The following FBXO4 variants were observed in gnomAD, a reference collection of about 807,000 sequenced individuals.
FBXO4 encodes the protein F-box only protein 4.
FBXO4 carries 36 observed loss-of-function variants against 43.7 expected under a neutral mutation model. The observed-to-expected ratio is 0.82, with a 90% CI of 0.63 to 1.09. FBXO4 has a LOEUF of 1.09. Among genes scored for constraint, FBXO4 ranks in the 50% least tolerant of loss-of-function variants. FBXO4 has a pLI of 0.00. For missense variants in FBXO4, 435 were observed against 474.1 expected (o/e 0.92, Z 0.77); for synonymous variants, 180 against 165.6 (o/e 1.09, Z -0.67).
Position 41,927,003 on chromosome 5 carries a change from T to G in FBXO4, c.190-10T>G, listed in dbSNP as rs199945153. 1.3e-6 allele frequency: 2 copies of G among 1,535,378 alleles called. No individual in the cohort carries two copies. The highest frequency in any genetic ancestry group is 4.6e-5 in the East Asian group (2 of 43,700). ...TCCTTTTTCCTACCTGCTGCTTTCTTCTGTTTCAGATTGATGTACAGCTAT... is the reference window on the plus strand; with the variant it reads ...TCCTTTTTCCTACCTGCTGCTTTCTGCTGTTTCAGATTGATGTACAGCTAT... On this transcript the variant is annotated splice_polypyrimidine_tract_variant and intron_variant, in intron 1 of 6. Transcript: ENST00000281623.
chr5:42,031,977 C>G, the FBXO4 span, among the ~76,000 whole-genome samples: 1 of 151,950 alleles, frequency 6.6e-6, no homozygotes, highest in Non-Finnish European at 1.5e-5. Context: ...CTCTGGATTA[C>G]TAGGCAGAGA....
At chr5:41,984,497 G>C in the FBXO4 span, among the ~76,000 whole-genome samples, 1 of 152,134 alleles carries the variant, frequency 6.6e-6, no homozygotes, top group Non-Finnish European at 1.5e-5. Flanking sequence ...CTCACTCTCT[G>C]ACGTCTCACT....
the FBXO4 span, chr5:41,968,415 T>C: frequency 6.6e-6 from 1 of 152,652 alleles, no homozygotes; most frequent in Non-Finnish European, 1.5e-5. Context: ...AAATAAAGTT[T>C]TGTTGAAGGA....
the FBXO4 span, among the ~76,000 whole-genome samples, chr5:42,013,535 G>A: frequency 2.0e-5 from 3 of 152,096 alleles, no homozygotes; most frequent in African/African-American, 4.8e-5. Flanking sequence ...TGAATTCCAC[G>A]TTTAGTCAGT....
the FBXO4 span, among the ~76,000 whole-genome samples, chr5:42,028,627 C>T: frequency 0.016 from 2,426 of 151,398 alleles, 117 homozygotes; most frequent in East Asian, 0.1. Flanking sequence ...TCCTTTCTTC[C>T]TTTAGTGAGC....
the FBXO4 span, among the ~76,000 whole-genome samples, chr5:42,035,596 A>G: frequency 2.0e-5 from 3 of 152,074 alleles, no homozygotes; most frequent in African/African-American, 7.2e-5. Context: ...TGACAGGCTT[A>G]TTTCATTTTT....
At chr5:41,956,822 C>G in the FBXO4 span, among the ~76,000 whole-genome samples, 3 of 151,490 alleles carry the variant, frequency 2.0e-5, no homozygotes, top group Admixed American at 2.0e-4. Context: ...AAGTGATTCT[C>G]CTGCCTCAGC....
the FBXO4 span, among the ~76,000 whole-genome samples, chr5:41,951,085 A>G: frequency 6.6e-6 from 1 of 152,194 alleles, no homozygotes; most frequent in South Asian, 2.1e-4. Flanking sequence ...TAAGGGAGGG[A>G]TAGCATTAGG....
the FBXO4 span, among the ~76,000 whole-genome samples, chr5:42,005,213 T>C: frequency 6.6e-6 from 1 of 152,188 alleles, no homozygotes; most frequent in Non-Finnish European, 1.5e-5. Flanking sequence ...TGATGTAATA[T>C]AACAGTGAAG....
chr5:41,964,862 T>A, the FBXO4 span, among the ~76,000 whole-genome samples: 36 of 152,166 alleles, frequency 2.4e-4, no homozygotes, highest in Admixed American at 2.1e-3. Flanking sequence ...TAGTTTCTTT[T>A]GCTGTGCAGA....
At chr5:41,970,574 TA>T in the FBXO4 span, among the ~76,000 whole-genome samples, 864 of 144,414 alleles carry the variant, frequency 6.0e-3, 7 homozygotes, top group African/African-American at 0.019. Context: ...GGTTAATTGT[TA>T]AAAAAAAAAA....
At chr5:41,936,991 A>G (rs1751867551) in intron 5 of FBXO4, among the ~76,000 whole-genome samples, 2 of 152,238 alleles carry the variant, frequency 1.3e-5, no homozygotes, top group African/African-American at 4.8e-5. Flanking sequence ...CTGTTTTCCA[A>G]TAAAAATTTA....
intron 3 of FBXO4, among the ~76,000 whole-genome samples, chr5:41,931,755 G>A: frequency 6.6e-6 from 1 of 152,190 alleles, no homozygotes; most frequent in Admixed American, 6.5e-5. Context: ...AAGTTTTTGA[G>A]GATGGAGAGG....
intron 5 of FBXO4, among the ~76,000 whole-genome samples, chr5:41,938,516 A>G (rs9885033): frequency 0.08 from 12,150 of 152,276 alleles, 699 homozygotes; most frequent in African/African-American, 0.16. Context: ...TGATAAGTAC[A>G]TTAAATGTTT....
At chr5:41,999,557 A>G in the FBXO4 span, among the ~76,000 whole-genome samples, 20 of 136,322 alleles carry the variant, frequency 1.5e-4, no homozygotes, top group Admixed American at 1.2e-3. Flanking sequence ...ATATATATAT[A>G]TATATGTATA....
In FBXO4 at chr5:41,925,488, C is replaced by T; in HGVS notation, c.179C>T (p.Thr60Met). 7.6e-7 allele frequency: 1 copy of T among 1,308,364 alleles called. No individual in the cohort carries two copies. The highest frequency in any genetic ancestry group is 9.8e-7 in the Non-Finnish European group (1 of 1,020,418). The allele number at this position is 1,308,364 out of a possible 1,614,324, so 81.0% of individuals were successfully genotyped here. Residue 60 changes from threonine (T) to methionine (M), a missense_variant, in exon 1 of 7, where the codon ACG becomes ATG. Thr to Met is a moderately conservative substitution (Grantham distance 81, BLOSUM62 -1). Coordinates refer to ENST00000281623, the MANE Select transcript of FBXO4 (RefSeq NM_012176.3). Reference sequence around the variant, plus strand: ...GTGGATGAGGCGGCCAGCACCCTGACGCGGCTGCCGGTGAGCGTCGGCCGC... The same window carrying T: ...GTGGATGAGGCGGCCAGCACCCTGATGCGGCTGCCGGTGAGCGTCGGCCGC... ...EEVDEAASTL[T>M]RLPIDVQLYI...
chr5:41,977,185 C>A, the FBXO4 span, among the ~76,000 whole-genome samples: 1 of 152,166 alleles, frequency 6.6e-6, no homozygotes, highest in Non-Finnish European at 1.5e-5. Context: ...TTCTGCAATG[C>A]CTTTGAAGTC....
At chr5:41,981,876 T>G in the FBXO4 span, among the ~76,000 whole-genome samples, 1 of 151,530 alleles carries the variant, frequency 6.6e-6, no homozygotes, top group Non-Finnish European at 1.5e-5. Context: ...ATTAGGTATA[T>G]CTCCTAATGC....
At chr5:41,979,588 T>A in the FBXO4 span, among the ~76,000 whole-genome samples, 1 of 152,192 alleles carries the variant, frequency 6.6e-6, no homozygotes, top group African/African-American at 2.4e-5. Flanking sequence ...ACTACCAACA[T>A]GACATCACTC....
Sources: allele counts gnomAD v4.1 joint callset (sites outside exome capture counted in the v4.1 genomes callset), GRCh38; gene constraint gnomAD v4.1.1; transcripts MANE v1.5; gene names NCBI Gene and HGNC (gene_info 2026-07-23, HGNC 2026-07-21).